The following BRINP3 variants were observed in gnomAD, a reference collection of about 807,000 sequenced individuals.
BRINP3 encodes BMP/retinoic acid-inducible neural-specific protein 3.
Under a neutral mutation model 71.0 loss-of-function variants are expected in BRINP3, and 19 were observed. The ratio of observed to expected loss-of-function variants is 0.27; its 90% CI spans 0.19 to 0.39. The LOEUF is 0.39. BRINP3 is among the 10% of genes least tolerant of loss of function. The pLI, the probability that BRINP3 is intolerant of heterozygous loss-of-function variation, is 1.00. For missense variants in BRINP3, 959 were observed against 940.8 expected, an observed-to-expected ratio of 1.02 and a Z score of -0.25; for synonymous variants, 380 against 337.7, an observed-to-expected ratio of 1.13 and a Z score of -1.37.
intron 2 of BRINP3, chr1:190,342,821 TAAATATAGATGTTTAA>T (rs1667754592): frequency 1.3e-5 from 2 of 151,946 alleles, no homozygotes; most frequent in South Asian, 4.2e-4. Flanking sequence ...AAAAAATGAA[TAAATATAGATGTTTAA>T]ACATATGAAG....
chr1:190,176,838 C>T (rs1217690626), intron 6 of BRINP3, among the ~76,000 whole-genome samples: 2 of 152,082 alleles, frequency 1.3e-5, no homozygotes, highest in Non-Finnish European at 2.9e-5. Flanking sequence ...AAGCAGTTAG[C>T]TCTTTTAACT....
chr1:190,424,271 C>T (rs567372156), intron 2 of BRINP3, among the ~76,000 whole-genome samples: 16 of 151,488 alleles, frequency 1.1e-4, no homozygotes, highest in East Asian at 7.8e-4. Flanking sequence ...TTATTGAGGG[C>T]GGCATAAAAT....
intron 7 of BRINP3, among the ~76,000 whole-genome samples, chr1:190,153,156 T>G (rs1460390379): frequency 6.6e-6 from 1 of 152,164 alleles, no homozygotes; most frequent in Admixed American, 6.6e-5. Flanking sequence ...ATGCACGATT[T>G]TTTTTCCTTC....
At chr1:190,329,381 C>G (rs1263254018) in intron 2 of BRINP3, among the ~76,000 whole-genome samples, 1 of 151,688 alleles carries the variant, frequency 6.6e-6, no homozygotes, top group Non-Finnish European at 1.5e-5. Flanking sequence ...TTCTATGCAA[C>G]AATAACATTC....
chr1:190,143,727 C>G (rs1390882989), intron 7 of BRINP3, among the ~76,000 whole-genome samples: 1 of 152,124 alleles, frequency 6.6e-6, no homozygotes, highest in African/African-American at 2.4e-5. Context: ...TGTTCTGGCT[C>G]TAGCTGAATG....
intron 7 of BRINP3, among the ~76,000 whole-genome samples, chr1:190,147,538 C>G (rs1416579248): frequency 6.6e-6 from 1 of 152,152 alleles, no homozygotes; most frequent in Non-Finnish European, 1.5e-5. Context: ...ATTCTTCAGT[C>G]ATATTTTTTC....
chr1:190,200,570 T>C (rs1020295503), intron 6 of BRINP3, among the ~76,000 whole-genome samples: 1 of 152,056 alleles, frequency 6.6e-6, no homozygotes, highest in Non-Finnish European at 1.5e-5. Flanking sequence ...TCCCAAATCC[T>C]AAATACACAT....
At chr1:190,397,778 T>A (rs982752194) in intron 2 of BRINP3, among the ~76,000 whole-genome samples, 4 of 151,772 alleles carry the variant, frequency 2.6e-5, no homozygotes, top group African/African-American at 9.7e-5. Context: ...TTATTAAAAA[T>A]CTCCTTACAA....
chr1:190,462,868 T>C lies in BRINP3; in HGVS notation c.-50-7928A>G, dbSNP rs541674800. On this transcript the variant is annotated intron_variant, in intron 1 of 7. Transcript: ENST00000367462. ...TAAAATAAAAATTCAAATGAAAGAA[T>C]ACTATTATCTCAAGCTATTAAAAGC... Among the ~76,000 whole-genome samples, 284 of 152,212 alleles carry C rather than the reference T, an allele frequency of 1.9e-3. 1 individual carries two copies. The highest frequency in any genetic ancestry group is 6.6e-3 in the African/African-American group (273 of 41,562).
intron 2 of BRINP3, among the ~76,000 whole-genome samples, chr1:190,352,388 A>C (rs529399654): frequency 3.3e-5 from 5 of 151,996 alleles, no homozygotes; most frequent in Admixed American, 1.3e-4. Flanking sequence ...GAAGAGTTTA[A>C]TGTTTGGTTC....
In BRINP3 at chr1:190,192,001, TA is replaced by T. The variant is rs548338764; in HGVS notation, c.962-31112del. Among the ~76,000 whole-genome samples, 27 of 151,698 alleles carry T rather than the reference TA, an allele frequency of 1.8e-4. No individual in the cohort carries two copies. The South Asian group carries it at 5.2e-3, about 29-fold the overall frequency. The stretch of plus-strand genomic sequence containing the variant: ...CTTAATGTTTATACATTTCAAGATT[TA>T]AAAAAAAATCTGTCCTTGCTGAAAT... On this transcript the variant is annotated intron_variant, in intron 6 of 7. Transcript: ENST00000367462.
intron 1 of BRINP3, among the ~76,000 whole-genome samples, chr1:190,476,969 TC>T (rs1408298792): frequency 6.6e-6 from 1 of 152,228 alleles, no homozygotes; most frequent in African/African-American, 2.4e-5. Flanking sequence ...AACAAAGTCT[TC>T]CTTCAGTCAT....
intron 2 of BRINP3, among the ~76,000 whole-genome samples, chr1:190,377,595 T>C (rs1382942688): frequency 6.7e-6 from 1 of 148,526 alleles, no homozygotes; most frequent in Non-Finnish European, 1.5e-5. Context: ...TATATATACA[T>C]ATATAATATA....
At chr1:190,224,520 A>G (rs1200286524) in intron 6 of BRINP3, among the ~76,000 whole-genome samples, 1 of 151,956 alleles carries the variant, frequency 6.6e-6, no homozygotes, top group East Asian at 1.9e-4. Flanking sequence ...ACTTAAAAAT[A>G]TAAAACTAAA....
intron 2 of BRINP3, among the ~76,000 whole-genome samples, chr1:190,287,657 A>G (rs1663536472): frequency 6.6e-6 from 1 of 152,164 alleles, no homozygotes; most frequent in South Asian, 2.1e-4. Context: ...CTCAAAGTAG[A>G]CTACAGAAGA....
At chr1:190,227,244 A>C (rs529851335) in intron 5 of BRINP3, among the ~76,000 whole-genome samples, 2 of 151,844 alleles carry the variant, frequency 1.3e-5, no homozygotes, top group Non-Finnish European at 2.9e-5. Flanking sequence ...AAAAAAATCA[A>C]TGTTGACCCT....
chr1:190,117,867 T>G (rs1653281591), intron 7 of BRINP3, among the ~76,000 whole-genome samples: 1 of 152,104 alleles, frequency 6.6e-6, no homozygotes, highest in African/African-American at 2.4e-5. Context: ...GTTTCTTTTT[T>G]CTCCTCATGC....
intron 2 of BRINP3, among the ~76,000 whole-genome samples, chr1:190,386,756 T>C (rs1571921197): frequency 6.6e-6 from 1 of 151,970 alleles, no homozygotes; most frequent in East Asian, 1.9e-4. Context: ...AAAATGTGAA[T>C]AATATATAGT....
chr1:190,259,805 G>A (rs1382887380), intron 4 of BRINP3, among the ~76,000 whole-genome samples: 2 of 151,758 alleles, frequency 1.3e-5, no homozygotes, highest in African/African-American at 4.8e-5. Context: ...TGAGGCGGGT[G>A]AAACACCTGA....
Sources: gnomAD v4.1 joint callset for allele counts (sites outside exome capture counted in the v4.1 genomes callset) on GRCh38, gnomAD v4.1.1 for gene constraint, MANE v1.5 for transcripts, NCBI Gene and HGNC (gene_info 2026-07-23, HGNC 2026-07-21) for gene names.